Variants in ALCAM observed in about 807,000 individuals in gnomAD.
The protein encoded by ALCAM is CD166 antigen.
ALCAM carries 30 observed loss-of-function variants against 70.9 expected under a neutral mutation model. The ratio of observed to expected loss-of-function variants is 0.42; its 90% CI spans 0.32 to 0.57. ALCAM has a LOEUF of 0.57. Among genes scored for constraint, ALCAM ranks in the 20% least tolerant of loss-of-function variants. The pLI, the probability that ALCAM is intolerant of heterozygous loss-of-function variation, is 0.11. For missense variants in ALCAM, 591 were observed against 695.1 expected (o/e 0.85, Z 1.68); for synonymous variants, 249 against 242.5 (o/e 1.03, Z -0.25).
intron 1 of ALCAM, among the ~76,000 whole-genome samples, chr3:105,417,763 T>C (rs1309669704): frequency 3.3e-5 from 5 of 151,712 alleles, no homozygotes; most frequent in Non-Finnish European, 7.4e-5. Flanking sequence ...TCTTCCAAAG[T>C]AGTAGTATTA....
chr3:105,472,816 C>T lies in ALCAM; in HGVS notation c.74-47251C>T, dbSNP rs146891582. Among the ~76,000 whole-genome samples the T allele has an allele frequency of 7.2e-3, 1,097 of 151,516 alleles. 17 individuals are homozygous for T. The highest frequency in any genetic ancestry group is 0.025 in the African/African-American group (1,044 of 41,444). On this transcript the variant is annotated intron_variant, in intron 1 of 15. Coordinates refer to ENST00000306107, the MANE Select transcript of ALCAM (RefSeq NM_001627.4). ...TTGCCACCAACTACTGTCTGATCTTCTCAAGATTCCTCAACTTTCTTATCT... is the reference window on the plus strand; with the variant it reads ...TTGCCACCAACTACTGTCTGATCTTTTCAAGATTCCTCAACTTTCTTATCT...
Position 105,416,602 on chromosome 3 carries a change from C to G in ALCAM, c.73+49121C>G, listed in dbSNP as rs1015193851. On this transcript the variant is annotated intron_variant, in intron 1 of 15. Transcript: ENST00000306107. ...GCAATTGCTCCGTATTGCTCCTCAT[C>G]CTGTGTTCCCATTCTTGATAAATGT... 2.6e-4 allele frequency among the ~76,000 whole-genome samples: 39 copies of G among 151,946 alleles called. 1 individual carries two copies. Among genetic ancestry groups the G allele is most frequent in the African/African-American group, 9.2e-4 (38 of 41,406 alleles).
intron 1 of ALCAM, among the ~76,000 whole-genome samples, chr3:105,489,956 T>C (rs1201585364): frequency 1.3e-5 from 2 of 152,246 alleles, no homozygotes; most frequent in Admixed American, 6.5e-5. Context: ...CACATTCCAG[T>C]CATGCCACTA....
rs144095069 is a variant in ALCAM at position 105,452,068 on chromosome 3, A to T, written c.74-67999A>T. Among the ~76,000 whole-genome samples the T allele has an allele frequency of 8.4e-4, 127 of 151,816 alleles. 1 individual carries two copies. The East Asian group carries it at 0.018, about 22-fold the overall frequency. On this transcript the variant is annotated intron_variant, in intron 1 of 15. Transcript: ENST00000306107. Reference sequence around the variant, plus strand: ...TTAAGCAAGATTTCTCCCTTCCAGTATCTTAGTGAAATAATTTTTTTTCAT... The same window carrying T: ...TTAAGCAAGATTTCTCCCTTCCAGTTTCTTAGTGAAATAATTTTTTTTCAT...
chr3:105,568,149 G>A (rs1166811789), intron 14 of ALCAM, among the ~76,000 whole-genome samples: 5 of 147,682 alleles, frequency 3.4e-5, no homozygotes, highest in Admixed American at 6.9e-5. Flanking sequence ...TGCAACCTCT[G>A]CCTCCTGGGT....
At chr3:105,380,600 G>A (rs569141900) in intron 1 of ALCAM, among the ~76,000 whole-genome samples, 1 of 151,838 alleles carries the variant, frequency 6.6e-6, no homozygotes, top group Non-Finnish European at 1.5e-5. Context: ...TTTACCTGAA[G>A]TCTAATTAAG....
At chr3:105,487,934 A>G (rs1489508770) in intron 1 of ALCAM, among the ~76,000 whole-genome samples, 4 of 152,180 alleles carry the variant, frequency 2.6e-5, no homozygotes, top group Admixed American at 2.6e-4. Flanking sequence ...TCAGTCCTCC[A>G]AATCTCATTT....
At chr3:105,420,517 G>T (rs1176827285) in intron 1 of ALCAM, among the ~76,000 whole-genome samples, 2 of 151,674 alleles carry the variant, frequency 1.3e-5, no homozygotes, top group African/African-American at 4.8e-5. Context: ...TTTGCTAGAT[G>T]AGATTATTTG....
intron 14 of ALCAM, among the ~76,000 whole-genome samples, chr3:105,569,513 A>G (rs1940819017): frequency 6.6e-6 from 1 of 152,088 alleles, no homozygotes; most frequent in Admixed American, 6.5e-5. Flanking sequence ...TGTCATTTCA[A>G]TGTAGTATTT....
At chr3:105,568,742 G>A (rs1193210111) in intron 14 of ALCAM, among the ~76,000 whole-genome samples, 1 of 152,218 alleles carries the variant, frequency 6.6e-6, no homozygotes, top group African/African-American at 2.4e-5. Context: ...TGCCCTCAGA[G>A]GAAAAGCCAT....
chr3:105,445,201 G>GA (rs1475815170), intron 1 of ALCAM, among the ~76,000 whole-genome samples: 1 of 151,938 alleles, frequency 6.6e-6, no homozygotes, highest in Non-Finnish European at 1.5e-5. Context: ...TAATTATCAA[G>GA]AAAATAATCC....
At chr3:105,405,062 G>T (rs1936187862) in intron 1 of ALCAM, among the ~76,000 whole-genome samples, 1 of 151,990 alleles carries the variant, frequency 6.6e-6, no homozygotes, top group South Asian at 2.1e-4. Context: ...CAGACCACTT[G>T]AGGTCGGGAA....
chr3:105,513,155 A>G (rs1939287285), intron 1 of ALCAM, among the ~76,000 whole-genome samples: 1 of 149,260 alleles, frequency 6.7e-6, no homozygotes, highest in South Asian at 2.1e-4. Context: ...GTTTATCACC[A>G]CTTAAGGGCC....
At chr3:105,435,378 A>T (rs1937028009) in intron 1 of ALCAM, among the ~76,000 whole-genome samples, 1 of 152,344 alleles carries the variant, frequency 6.6e-6, no homozygotes, top group African/African-American at 2.4e-5. Flanking sequence ...TTCCTGAGTA[A>T]ATAAAAGGAG....
intron 3 of ALCAM, among the ~76,000 whole-genome samples, chr3:105,527,533 T>C (rs1218368739): frequency 2.0e-5 from 3 of 152,034 alleles, no homozygotes; most frequent in Non-Finnish European, 4.4e-5. Context: ...GAGCTATTTC[T>C]ACTTGATTAG....
At chr3:105,438,494 C>T (rs55675903) in intron 1 of ALCAM, among the ~76,000 whole-genome samples, 1,755 of 151,902 alleles carry the variant, frequency 0.012, 32 homozygotes, top group African/African-American at 0.04. Context: ...AGGATTTAAT[C>T]GATAAATGTT....
intron 1 of ALCAM, among the ~76,000 whole-genome samples, chr3:105,476,613 A>G (rs531493908): frequency 3.9e-5 from 6 of 152,222 alleles, no homozygotes; most frequent in Admixed American, 3.9e-4. Context: ...AATACAATGA[A>G]TAAAACAAAC....
chr3:105,507,964 A>G (rs1423627835), intron 1 of ALCAM, among the ~76,000 whole-genome samples: 1 of 152,094 alleles, frequency 6.6e-6, no homozygotes, highest in Non-Finnish European at 1.5e-5. Context: ...TGCCCCACCT[A>G]CATTAAAAAG....
chr3:105,505,248 G>A (rs1402965295), intron 1 of ALCAM, among the ~76,000 whole-genome samples: 1 of 152,186 alleles, frequency 6.6e-6, no homozygotes, highest in Non-Finnish European at 1.5e-5. Flanking sequence ...AATTGACTCA[G>A]TTCCACCAGC....
Sources: allele counts gnomAD v4.1 joint callset (sites outside exome capture counted in the v4.1 genomes callset), GRCh38; gene constraint gnomAD v4.1.1; transcripts MANE v1.5; gene names NCBI Gene and HGNC (gene_info 2026-07-23, HGNC 2026-07-21).